Variants in GLIS3 observed in about 807,000 individuals in gnomAD.
GLIS3 encodes zinc finger protein GLIS3.
GLIS3 carries 53 observed loss-of-function variants against 78.6 expected under a neutral mutation model. That is an observed-to-expected ratio of 0.67 (90% CI 0.54 to 0.85). GLIS3 has a LOEUF of 0.85. GLIS3 is among the 40% of genes least tolerant of loss of function. The probability of loss-of-function intolerance (pLI) is 0.00; values close to 1 mark genes in which losing one functional copy is unlikely to be tolerated. For synonymous variants in GLIS3, 684 were observed against 509.9 expected (o/e 1.34, Z -4.60); for missense variants, 1,703 against 1,231.1 (o/e 1.38, Z -5.74).
chr9:4,158,158 G>C (rs1232218437), intron 2 of GLIS3, among the ~76,000 whole-genome samples: 1 of 152,084 alleles, frequency 6.6e-6, no homozygotes, highest in East Asian at 1.9e-4. Context: ...CCTCTTTTAA[G>C]CTGCTATTTT....
chr9:4,318,567 TAAC>T (rs891205145), intron 2 of GLIS3, among the ~76,000 whole-genome samples: 4 of 152,116 alleles, frequency 2.6e-5, no homozygotes, highest in Middle Eastern at 3.4e-3. Context: ...AGCTTCAAAA[TAAC>T]AACAATAAGT....
intron 4 of GLIS3, among the ~76,000 whole-genome samples, chr9:4,042,994 A>G (rs1347214460): frequency 6.6e-6 from 1 of 151,684 alleles, no homozygotes; most frequent in African/African-American, 2.4e-5. Flanking sequence ...GCAAACCCCA[A>G]GAGTGGCAAT....
chr9:4,020,111 C>A (rs1026114333), intron 4 of GLIS3, among the ~76,000 whole-genome samples: 5 of 151,962 alleles, frequency 3.3e-5, no homozygotes, highest in African/African-American at 1.2e-4. Context: ...CTGAGAAAAG[C>A]CTTGAAGGAG....
chr9:4,102,119 T>C (rs185542834), intron 4 of GLIS3, among the ~76,000 whole-genome samples: 1 of 152,334 alleles, frequency 6.6e-6, no homozygotes, highest in Non-Finnish European at 1.5e-5. Context: ...CAGAAGAAGA[T>C]AAATTCTAGA....
At chr9:4,020,976 G>C (rs761766461) in intron 4 of GLIS3, among the ~76,000 whole-genome samples, 11 of 152,088 alleles carry the variant, frequency 7.2e-5, no homozygotes, top group Non-Finnish European at 1.2e-4. Flanking sequence ...GAAAGTAGTC[G>C]GTCTTAGGGA....
At chr9:4,058,797 A>T (rs12349670) in intron 4 of GLIS3, among the ~76,000 whole-genome samples, 1 of 151,936 alleles carries the variant, frequency 6.6e-6, no homozygotes, top group Non-Finnish European at 1.5e-5. Context: ...TGGCTAACAC[A>T]GTGAAACCCC....
chr9:3,891,289 AAG>A (rs1398691708), intron 7 of GLIS3, among the ~76,000 whole-genome samples: 11 of 152,174 alleles, frequency 7.2e-5, no homozygotes, highest in Non-Finnish European at 2.9e-5. Context: ...TGATCGCACT[AAG>A]AGGAAAATTC....
intron 4 of GLIS3, among the ~76,000 whole-genome samples, chr9:4,050,041 A>C (rs111737953): frequency 2.0e-5 from 3 of 152,084 alleles, no homozygotes; most frequent in East Asian, 1.9e-4. Flanking sequence ...ACAGTGTGGC[A>C]ATTCCTCAGG....
the GLIS3 span, among the ~76,000 whole-genome samples, chr9:4,429,764 G>A: frequency 6.6e-6 from 1 of 152,116 alleles, no homozygotes; most frequent in African/African-American, 2.4e-5. Context: ...TAAAATTATG[G>A]AATGGAGAAG....
At chr9:4,221,490 T>C (rs147972966) in intron 2 of GLIS3, among the ~76,000 whole-genome samples, 1,646 of 152,322 alleles carry the variant, frequency 0.011, 46 homozygotes, top group Admixed American at 0.062. Context: ...TCTTCTCCCA[T>C]TCTCCTTAGA....
At chr9:4,306,260 C>T (rs1039779881) in intron 4 of GLIS3, among the ~76,000 whole-genome samples, 1 of 62,480 alleles carries the variant, frequency 1.6e-5, no homozygotes, top group African/African-American at 6.8e-5. Context: ...TTTGTAGAGG[C>T]AGGGGGGTCT....
At chr9:3,930,256 T>C (rs888135440) in intron 6 of GLIS3, among the ~76,000 whole-genome samples, 8 of 152,190 alleles carry the variant, frequency 5.3e-5, no homozygotes, top group East Asian at 1.9e-4. Flanking sequence ...TGAAATCCAA[T>C]TCAACCACTT....
At chr9:3,850,969 C>T (rs532809503) in intron 9 of GLIS3, among the ~76,000 whole-genome samples, 1 of 152,308 alleles carries the variant, frequency 6.6e-6, no homozygotes, top group South Asian at 2.1e-4. Context: ...AAATCAGGTG[C>T]CTTTTGCACC....
chr9:3,954,636 A>G (rs990659570), intron 4 of GLIS3, among the ~76,000 whole-genome samples: 3 of 152,206 alleles, frequency 2.0e-5, no homozygotes, highest in South Asian at 4.1e-4. Context: ...AGCTCAGTAA[A>G]TGTTTTCTAT....
intron 4 of GLIS3, among the ~76,000 whole-genome samples, chr9:3,999,999 G>A (rs374629283): frequency 2.0e-5 from 3 of 151,988 alleles, no homozygotes; most frequent in African/African-American, 7.2e-5. Context: ...GGAAACTCTC[G>A]TACATATGCT....
At chr9:4,002,548 A>G (rs1208577651) in intron 4 of GLIS3, among the ~76,000 whole-genome samples, 1 of 152,100 alleles carries the variant, frequency 6.6e-6, no homozygotes, top group East Asian at 1.9e-4. Context: ...CTCATTGGTA[A>G]TCCTTTATAC....
intron 2 of GLIS3, among the ~76,000 whole-genome samples, chr9:4,231,083 A>C (rs1056516017): frequency 1.5e-5 from 2 of 132,496 alleles, no homozygotes; most frequent in Non-Finnish European, 3.2e-5. Context: ...AAAAGTAAAA[A>C]ATAAAATAAG....
rs886063947 is a variant in GLIS3, at chr9:3,826,586, A to T, written c.*1686T>A. ...TGACCAAGTGCACTGTGAAAACAAA[A>T]CCCACACTTGGTTCTTCATTCACCT... On this transcript the variant is annotated 3_prime_UTR_variant, in exon 11 of 11. Transcript: ENST00000381971. The T allele has an allele frequency of 1.9e-4, 29 of 152,194 alleles. No homozygotes were observed. Among genetic ancestry groups the T allele is most frequent in the African/African-American group, 6.0e-4 (25 of 41,448 alleles). The allele number at this position is 152,194 out of a possible 1,614,324, so 9.4% of individuals were successfully genotyped here.
At chr9:4,125,965 G>C in intron 2 of GLIS3, 24 bp from the exon 3 acceptor site, 1 of 1,567,430 alleles carries the variant, frequency 6.4e-7, no homozygotes, top group Non-Finnish European at 8.8e-7. Flanking sequence ...AATCAGGTTA[G>C]CTTTCATGTC....
Sources: allele counts gnomAD v4.1 joint callset (sites outside exome capture counted in the v4.1 genomes callset), GRCh38; gene constraint gnomAD v4.1.1; transcripts MANE v1.5; gene names NCBI Gene and HGNC (gene_info 2026-07-23, HGNC 2026-07-21).